Variants in SORCS3 observed in about 807,000 individuals in gnomAD.
SORCS3 encodes the protein sortilin related VPS10 domain containing receptor 3, also known as VPS10 domain-containing receptor SorCS3.
A neutral mutation model predicts 146.3 loss-of-function variants in SORCS3; 57 were observed. That is an observed-to-expected ratio of 0.39 (90% CI 0.31 to 0.49). SORCS3 has a LOEUF of 0.49. Ranked by LOEUF, SORCS3 falls within the 20% of genes least tolerant of loss-of-function variation. The pLI, the probability that SORCS3 is intolerant of heterozygous loss-of-function variation, is 0.92. For synonymous variants in SORCS3, 653 were observed against 618.5 expected, an observed-to-expected ratio of 1.06 and a Z score of -0.83; for missense variants, 1,341 against 1,575.5, an observed-to-expected ratio of 0.85 and a Z score of 2.52.
At chr10:105,174,912 T>G (rs12413964) in intron 13 of SORCS3, among the ~76,000 whole-genome samples, 14,736 of 152,228 alleles carry the variant, frequency 0.097, 853 homozygotes, top group Admixed American at 0.16. Context: ...GCTCTCTGTG[T>G]GTCTTCTCTT....
At chr10:105,163,875 T>TACACAC (rs1420482972) in intron 11 of SORCS3, among the ~76,000 whole-genome samples, 1 of 116,194 alleles carries the variant, frequency 8.6e-6, no homozygotes, top group African/African-American at 3.6e-5. Context: ...GACACACAGT[T>TACACAC]ACGCACATAC....
At chr10:104,871,636 G>A (rs2018519976) in intron 2 of SORCS3, among the ~76,000 whole-genome samples, 2 of 152,324 alleles carry the variant, frequency 1.3e-5, no homozygotes, top group East Asian at 3.9e-4. Flanking sequence ...GCCCATCTGA[G>A]TGAGATTATG....
chr10:105,112,422 G>T (rs2055864627), intron 7 of SORCS3, among the ~76,000 whole-genome samples: 1 of 152,118 alleles, frequency 6.6e-6, no homozygotes, highest in African/African-American at 2.4e-5. Context: ...GCCTAGAAAA[G>T]GGCGAGCTTT....
intron 2 of SORCS3, among the ~76,000 whole-genome samples, chr10:104,870,595 T>C (rs1220234145): frequency 6.6e-6 from 1 of 152,066 alleles, no homozygotes; most frequent in Non-Finnish European, 1.5e-5. Context: ...TTGCTTTAGG[T>C]CTGAGGACAG....
chr10:104,865,116 C>T (rs2018445565), intron 2 of SORCS3, among the ~76,000 whole-genome samples: 1 of 152,148 alleles, frequency 6.6e-6, no homozygotes, highest in African/African-American at 2.4e-5. Context: ...TATTTCACTA[C>T]TGTTTCCCCT....
chr10:105,156,220 A>G (rs1589659953), intron 9 of SORCS3, among the ~76,000 whole-genome samples: 1 of 152,194 alleles, frequency 6.6e-6, no homozygotes, highest in Non-Finnish European at 1.5e-5. Flanking sequence ...GCAATATGCT[A>G]TTTGCTATTT....
At chr10:104,883,070 A>AT (rs762573612) in intron 2 of SORCS3, among the ~76,000 whole-genome samples, 7 of 151,974 alleles carry the variant, frequency 4.6e-5, no homozygotes, top group East Asian at 3.9e-4. Flanking sequence ...TAGGAGCTTC[A>AT]TTTTTTTTAT....
intron 13 of SORCS3, among the ~76,000 whole-genome samples, chr10:105,172,294 A>G (rs182240526): frequency 1.3e-5 from 2 of 152,306 alleles, no homozygotes; most frequent in East Asian, 1.9e-4. Flanking sequence ...CATTTATTGC[A>G]TACATATTTG....
At chr10:104,856,996 G>T (rs3976792) in intron 2 of SORCS3, among the ~76,000 whole-genome samples, 26,857 of 149,782 alleles carry the variant, frequency 0.18, 5,453 homozygotes, top group African/African-American at 0.5. Flanking sequence ...GAGAGAGAGA[G>T]ATTAATTCTA....
chr10:105,036,862 C>T (rs191358343), intron 4 of SORCS3, among the ~76,000 whole-genome samples: 1 of 152,250 alleles, frequency 6.6e-6, no homozygotes, highest in Non-Finnish European at 1.5e-5. Flanking sequence ...GACAAAAGAC[C>T]ATCATGAACA....
chr10:104,641,836 C>T lies in SORCS3; in HGVS notation c.509C>T (p.Ala170Val). 1 of 1,561,716 alleles carries T rather than the reference C, an allele frequency of 6.4e-7. No individual in the cohort carries two copies. ...LAKGSREEVK[A>V]PRAGGSAAED... ...AAGGGTTCCCGGGAGGAGGTGAAGG[C>T]GCCGCGGGCTGGGGGGTCGGCGGCT... is the stretch of plus-strand genomic sequence containing the variant. Residue 170 changes from alanine to valine, a missense_variant, in exon 1 of 27, where the codon GCG becomes GTG. By Grantham distance (64) the Ala-to-Val change is moderately conservative (BLOSUM62 0). Coordinates refer to ENST00000369701, the MANE Select transcript of SORCS3 (RefSeq NM_014978.3). The surrounding 1 kb of genome is among the most constrained non-coding windows in gnomAD (Gnocchi z 6.4).
chr10:105,111,483 T>TA (rs1466565987), intron 7 of SORCS3, among the ~76,000 whole-genome samples: 1 of 152,208 alleles, frequency 6.6e-6, no homozygotes, highest in African/African-American at 2.4e-5. Context: ...GAAGTGTAGT[T>TA]AGTTATCTTT....
At chr10:104,974,774 C>T (rs898806020) in intron 3 of SORCS3, among the ~76,000 whole-genome samples, 1 of 152,130 alleles carries the variant, frequency 6.6e-6, no homozygotes, top group African/African-American at 2.4e-5. Flanking sequence ...TTAGTTGATG[C>T]AGTTTCTTCC....
intron 13 of SORCS3, among the ~76,000 whole-genome samples, chr10:105,175,099 G>A (rs940326859): frequency 6.6e-6 from 1 of 152,106 alleles, no homozygotes; most frequent in African/African-American, 2.4e-5. Flanking sequence ...CCAGGCTGGA[G>A]TGCAATGGCA....
At chr10:104,880,044 C>T (rs887391846) in intron 2 of SORCS3, among the ~76,000 whole-genome samples, 12 of 152,154 alleles carry the variant, frequency 7.9e-5, no homozygotes, top group Non-Finnish European at 1.6e-4. Context: ...TGATTCACTT[C>T]CTCATCATTT....
At chr10:104,889,219 T>C (rs1256441685) in intron 2 of SORCS3, among the ~76,000 whole-genome samples, 2 of 152,004 alleles carry the variant, frequency 1.3e-5, no homozygotes, top group African/African-American at 4.8e-5. Context: ...CACCATCTAG[T>C]TGAGACTCTA....
At chr10:104,921,400 G>A (rs992869936) in intron 3 of SORCS3, among the ~76,000 whole-genome samples, 2 of 152,126 alleles carry the variant, frequency 1.3e-5, no homozygotes, top group African/African-American at 4.8e-5. Context: ...TGCAACTTTG[G>A]AGACAGTGCA....
intron 5 of SORCS3, among the ~76,000 whole-genome samples, chr10:105,053,992 A>C (rs2055429851): frequency 6.6e-6 from 1 of 152,128 alleles, no homozygotes; most frequent in African/African-American, 2.4e-5. Flanking sequence ...ACTATACCAC[A>C]TAAAAATTTA....
At chr10:104,698,794 G>A (rs2016247080) in intron 1 of SORCS3, among the ~76,000 whole-genome samples, 1 of 152,154 alleles carries the variant, frequency 6.6e-6, no homozygotes, top group Admixed American at 6.6e-5. Context: ...ACAGGGAAGT[G>A]TGTAATCAGT....
Sources: gnomAD v4.1 joint callset for allele counts (sites outside exome capture counted in the v4.1 genomes callset) on GRCh38, gnomAD v4.1.1 for gene constraint, Gnocchi (gnomAD v3.1) non-coding constraint, MANE v1.5 for transcripts, NCBI Gene and HGNC (gene_info 2026-07-23, HGNC 2026-07-21) for gene names.